Variants in MYH8 observed in about 807,000 individuals in gnomAD.
MYH8 encodes myosin heavy chain 8, also known as myosin-8.
MYH8 carries 168 observed loss-of-function variants against 233.2 expected under a neutral mutation model. That is an observed-to-expected ratio of 0.72 (90% CI 0.64 to 0.82). The LOEUF (loss-of-function observed/expected upper bound fraction) is 0.82, where lower values mean the gene tolerates loss of function less well. MYH8 is among the 40% of genes least tolerant of loss of function. The pLI, the probability that MYH8 is intolerant of heterozygous loss-of-function variation, is 0.00. For synonymous variants in MYH8, 785 were observed against 850.6 expected, an observed-to-expected ratio of 0.92 and a Z score of 1.34; for missense variants, 1,995 against 2,327.8, an observed-to-expected ratio of 0.86 and a Z score of 2.94.
chr17:10,420,263 G>C lies in MYH8; in HGVS notation c.-30-6C>G. ...TATTTAGCAAAGGATTCTGCCTAGGGAGGAGAGAAACGGGAGAGAGAGATA... is the reference window on the plus strand; with the variant it reads ...TATTTAGCAAAGGATTCTGCCTAGGCAGGAGAGAAACGGGAGAGAGAGATA... On this transcript the variant is annotated splice_region_variant and splice_polypyrimidine_tract_variant and intron_variant, in intron 2 of 39. Coordinates refer to ENST00000403437, the MANE Select transcript of MYH8 (RefSeq NM_002472.3). 1 of 1,608,348 alleles carries C rather than the reference G, an allele frequency of 6.2e-7. No homozygotes were observed. Among genetic ancestry groups the C allele is most frequent in the Non-Finnish European group, 8.5e-7 (1 of 1,176,534 alleles).
At chr17:10,398,994 G>GTA (rs71365759) in intron 28 of MYH8, 108 bp from the exon 29 acceptor site, 54,771 of 310,830 alleles carry the variant, frequency 0.18, 6,293 homozygotes, top group Non-Finnish European at 0.21. Context: ...ATGTGTGTGT[G>GTA]TATATATATA....
At chr17:10,394,635 T>C (rs929479800) in intron 34 of MYH8, among the ~76,000 whole-genome samples, 183 bp from the exon 35 acceptor site, 2 of 152,216 alleles carry the variant, frequency 1.3e-5, no homozygotes, top group Non-Finnish European at 2.9e-5. Flanking sequence ...GAGACATAGA[T>C]TCTTGTTCTA....
rs1450573502 is a variant in MYH8, at chr17:10,399,563, G to A, written c.3842C>T (p.Ala1281Val). 1.6e-5 allele frequency: 26 copies of A among 1,613,578 alleles called. No homozygotes were observed. In the Admixed American group the frequency reaches 2.0e-4, roughly 12 times the overall value. Residue 1281 changes from alanine to valine, a missense_variant, in exon 28 of 40, where the codon GCG becomes GTG. Ala to Val is a moderately conservative substitution (Grantham distance 64). Transcript: ENST00000403437. ...RLINDLTAQR[A>V]RLQTEAGEYS... is the part of the protein sequence containing the mutation. Reference sequence around the variant, plus strand: ...TTTACCCGCTTCTGTCTGCAGGCGCGCTCTCTGTGCTGTGAGGTCATTGAT... The same window carrying A: ...TTTACCCGCTTCTGTCTGCAGGCGCACTCTCTGTGCTGTGAGGTCATTGAT...
At position 10,396,175 on chromosome 17, in the gene MYH8, ATAGGTCAGAGTATT is replaced by A. The variant is rs560559948; in HGVS notation, c.4653+141_4653+154del. ...TGATAAAATCTTAGAAATAGAATTG[ATAGGTCAGAGTATT>A]TACATTTTTAAGGATTTTGATAACT... On this transcript the variant is annotated intron_variant, in intron 33 of 39. Transcript: ENST00000403437. The surrounding 1 kb of genome is among the most constrained non-coding windows in gnomAD (Gnocchi z 4.2). Among the ~76,000 whole-genome samples, 1 of 152,320 alleles carries A rather than the reference ATAGGTCAGAGTATT, an allele frequency of 6.6e-6. No homozygotes were observed. The highest frequency in any genetic ancestry group is 6.5e-5 in the Admixed American group (1 of 15,302).
In MYH8 at chr17:10,396,999, C is replaced by G; in HGVS notation, c.4179-13G>C. On this transcript the variant is annotated splice_polypyrimidine_tract_variant and intron_variant, in intron 30 of 39. Coordinates refer to ENST00000403437, the MANE Select transcript of MYH8 (RefSeq NM_002472.3). The surrounding 1 kb of genome is among the most constrained non-coding windows in gnomAD (Gnocchi z 4.2). ...GGCCAACTTTTTCCTGAAAAGTTAG[C>G]CAGGCAGTCAGGAGAATGGCCAAGA... The G allele has an allele frequency of 6.2e-7, 1 of 1,614,046 alleles. No homozygotes were observed. Among genetic ancestry groups the G allele is most frequent in the Non-Finnish European group, 8.5e-7 (1 of 1,179,984 alleles).
Position 10,406,208 on chromosome 17 carries a change from C to T in MYH8, c.2296-31G>A, listed in dbSNP as rs376194857. On this transcript the variant is annotated intron_variant, in intron 20 of 39. Coordinates refer to ENST00000403437, the MANE Select transcript of MYH8 (RefSeq NM_002472.3). Reference sequence around the variant, plus strand: ...GAAAGAGAGAGTCACAAATCATCTCCATACTGCAGGAGATGCAGAAATGGC... The same window carrying T: ...GAAAGAGAGAGTCACAAATCATCTCTATACTGCAGGAGATGCAGAAATGGC... 31 of 1,613,940 alleles carry T rather than the reference C, an allele frequency of 1.9e-5. No homozygotes were observed. In the African/African-American group the frequency reaches 3.7e-4, roughly 19 times the overall value.
At chr17:10,421,386 A>G (rs576488494) in intron 2 of MYH8, among the ~76,000 whole-genome samples, 2 of 152,302 alleles carry the variant, frequency 1.3e-5, no homozygotes, top group African/African-American at 4.8e-5. Flanking sequence ...GGACTAGTCT[A>G]TTGCCACTGG....
At chr17:10,398,055 C>A (rs1392839779) in intron 30 of MYH8, among the ~76,000 whole-genome samples, 1 of 152,118 alleles carries the variant, frequency 6.6e-6, no homozygotes, top group Non-Finnish European at 1.5e-5. Context: ...TTTAGGCCAA[C>A]CCTAAACATT....
chr17:10,394,600 G>T, intron 34 of MYH8, 148 bp from the exon 35 acceptor site: 2 of 1,013,454 alleles, frequency 2.0e-6, no homozygotes, highest in Non-Finnish European at 2.9e-6. Flanking sequence ...TAGGTCATTT[G>T]CTTAGGGTGA....
intron 39 of MYH8, 103 bp downstream of exon 39, chr17:10,391,779 G>T: frequency 2.2e-6 from 2 of 891,824 alleles, no homozygotes; most frequent in Non-Finnish European, 3.8e-6. Context: ...AAAATGAGTG[G>T]TAGATTTTCA....
intron 16 of MYH8, 38 bp downstream of exon 16, chr17:10,409,241 A>C (rs1338141397): frequency 1.9e-6 from 3 of 1,613,570 alleles, no homozygotes; most frequent in Middle Eastern, 1.7e-4. Context: ...ACATTATGTG[A>C]GAATGGATTT....
Position 10,420,256 on chromosome 17 carries a change from G to T in MYH8, c.-29C>A. ...TGCGATTTATTTAGCAAAGGATTCT[G>T]CCTAGGGAGGAGAGAAACGGGAGAG... On this transcript the variant is annotated splice_region_variant and 5_prime_UTR_variant, in exon 3 of 40. Coordinates refer to ENST00000403437, the MANE Select transcript of MYH8 (RefSeq NM_002472.3). The T allele has an allele frequency of 6.2e-7, 1 of 1,610,116 alleles. No homozygotes were observed. Among genetic ancestry groups the T allele is most frequent in the Non-Finnish European group, 8.5e-7 (1 of 1,177,982 alleles).
intron 30 of MYH8, among the ~76,000 whole-genome samples, chr17:10,398,106 A>G (rs975920699): frequency 3.3e-5 from 5 of 152,150 alleles, no homozygotes; most frequent in Non-Finnish European, 7.3e-5. Context: ...TTTAAGAGGT[A>G]TGTCTTCTAC....
rs143063345 is a variant in MYH8 at position 10,415,706 on chromosome 17, G to T, written c.514C>A (p.Arg172=). 3.1e-6 allele frequency: 5 copies of T among 1,613,276 alleles called. No homozygotes were observed. Among genetic ancestry groups the T allele is most frequent in the Non-Finnish European group, 3.4e-6 (4 of 1,179,606 alleles). ...GTGATCAGGATGGACTGATTCTCTC[G>T]ATCTGTGAAAGAATTCAAAATCATC... The part of the protein sequence containing the change: ...DNAYQFMLTD[R]ENQSILITGE... The change falls in exon 6 of 40, where the codon CGA becomes AGA. Residue 172 remains arginine, a splice_region_variant and synonymous_variant. Transcript: ENST00000403437. This position sits in a 1 kb window ranked among gnomAD's most constrained non-coding sequence, Gnocchi z 4.1.
At chr17:10,407,014 G>A in intron 17 of MYH8, 35 bp from the exon 18 acceptor site, 1 of 1,551,156 alleles carries the variant, frequency 6.4e-7, no homozygotes, top group Non-Finnish European at 8.9e-7. Flanking sequence ...TGATGAAAAA[G>A]TTCTATTTCA....
chr17:10,405,617 G>C (rs1489411408), intron 21 of MYH8, among the ~76,000 whole-genome samples: 1 of 152,200 alleles, frequency 6.6e-6, no homozygotes, highest in Non-Finnish European at 1.5e-5. Context: ...GGAAATTAAA[G>C]TTTTAAATTG....
rs982713050 is a variant in MYH8 at position 10,415,909 on chromosome 17, T to C, written c.512-201A>G. ...AAAATGAAAGCAAAGAATCATCTCT[T>C]CCTTTTTGTATTTATTAATTTTTAA... On this transcript the variant is annotated intron_variant, in intron 5 of 39. Coordinates refer to ENST00000403437, the MANE Select transcript of MYH8 (RefSeq NM_002472.3). The surrounding 1 kb of genome is among the most constrained non-coding windows in gnomAD (Gnocchi z 4.1). 1.3e-5 allele frequency among the ~76,000 whole-genome samples: 2 copies of C among 152,204 alleles called. No individual in the cohort carries two copies. The highest frequency in any genetic ancestry group is 2.9e-5 in the Non-Finnish European group (2 of 68,026).
chr17:10,411,556 C>T (rs1348929176), intron 14 of MYH8, among the ~76,000 whole-genome samples: 3 of 151,996 alleles, frequency 2.0e-5, no homozygotes, highest in African/African-American at 4.8e-5. Context: ...GTTATGGTTT[C>T]GATTCAAAGG....
chr17:10,412,238 A>T (rs2096430872), intron 14 of MYH8, 132 bp downstream of exon 14: 1 of 1,556,792 alleles, frequency 6.4e-7, no homozygotes, highest in African/African-American at 1.4e-5. Flanking sequence ...CCTATTTTGG[A>T]GATAACCTTT....
Sources: gnomAD v4.1 joint callset for allele counts (sites outside exome capture counted in the v4.1 genomes callset) on GRCh38, gnomAD v4.1.1 for gene constraint, Gnocchi (gnomAD v3.1) non-coding constraint, MANE v1.5 for transcripts, NCBI Gene and HGNC (gene_info 2026-07-23, HGNC 2026-07-21) for gene names.